The following GALNT15 variants were observed in gnomAD, a reference collection of about 807,000 sequenced individuals.
GALNT15 encodes UDP-GalNAc transferase T15.
A neutral mutation model predicts 66.8 loss-of-function variants in GALNT15; 67 were observed. The observed-to-expected ratio is 1.00, with a 90% CI of 0.82 to 1.23. GALNT15 has a LOEUF of 1.23. Among genes scored for constraint, GALNT15 ranks in the 50% most tolerant of loss-of-function variants. The pLI is 0.00. For missense variants in GALNT15, 827 were observed against 804.3 expected (o/e 1.03, Z -0.34); for synonymous variants, 313 against 311.5 (o/e 1.00, Z -0.05).
rs200995755 is a variant in GALNT15, at chr3:16,200,606, C to G, written c.707-13C>G. On this transcript the variant is annotated splice_polypyrimidine_tract_variant and intron_variant, in intron 2 of 9. Transcript: ENST00000339732. This position sits in a 1 kb window ranked among gnomAD's most constrained non-coding sequence, Gnocchi z 4.4. ...ATTTGTCATTCCACTGACCACAACC[C>G]TGTTGATTCCAGGACAACTCAAGTC... 9 of 1,511,128 alleles carry G rather than the reference C, an allele frequency of 6.0e-6. No individual in the cohort carries two copies. The highest frequency in any genetic ancestry group is 8.9e-7 in the Non-Finnish European group (1 of 1,127,640). 93.6% of individuals were successfully genotyped at this position (1,511,128 alleles called of 1,614,324 possible).
chr3:16,191,618 G>C lies in GALNT15; in HGVS notation c.540-4142G>C, dbSNP rs1024738898. On this transcript the variant is annotated intron_variant, in intron 1 of 9. Transcript: ENST00000339732. The surrounding 1 kb of genome is among the most constrained non-coding windows in gnomAD (Gnocchi z 5.2). ...TCTGTGAAATCAAAGAAAGGAACTT[G>C]AGTGCCCTGGTCACCATTTAACTAG... Among the ~76,000 whole-genome samples the C allele has an allele frequency of 1.3e-5, 2 of 152,200 alleles. No homozygotes were observed. Among genetic ancestry groups the C allele is most frequent in the Non-Finnish European group, 2.9e-5 (2 of 68,030 alleles).
the GALNT15 span, among the ~76,000 whole-genome samples, chr3:16,244,429 A>C: frequency 1.3e-3 from 198 of 152,356 alleles, no homozygotes; most frequent in African/African-American, 4.2e-3. Context: ...GGAGAGCTTT[A>C]AACAGGATTC....
At position 16,195,734 on chromosome 3, in the gene GALNT15, T is replaced by A. The variant is rs536093389; in HGVS notation, c.540-26T>A. ...GTTTCTTGTGGCCTTCTCTTCCCCA[T>A]GGCTCTCTGGCTCTCTTCCCTGCAG... On this transcript the variant is annotated intron_variant, in intron 1 of 9. Transcript: ENST00000339732. The surrounding 1 kb of genome is among the most constrained non-coding windows in gnomAD (Gnocchi z 4.6). 1.9e-6 allele frequency: 3 copies of A among 1,596,490 alleles called. No homozygotes were observed. In the Admixed American group the frequency reaches 5.1e-5, roughly 27 times the overall value.
chr3:16,200,937 T>A lies in GALNT15; in HGVS notation c.911+114T>A. ...TAATTCCTGAATCTCCATTAGAGAG[T>A]GATATATTCCCTTCGGGTTTTCAGA... On this transcript the variant is annotated intron_variant, in intron 3 of 9. Coordinates refer to ENST00000339732, the MANE Select transcript of GALNT15 (RefSeq NM_054110.5). The surrounding 1 kb of genome is among the most constrained non-coding windows in gnomAD (Gnocchi z 4.4). 1.3e-6 allele frequency: 1 copy of A among 752,114 alleles called. No individual in the cohort carries two copies. Among genetic ancestry groups the A allele is most frequent in the Non-Finnish European group, 2.0e-6 (1 of 488,672 alleles). 46.6% of individuals were successfully genotyped at this position (752,114 alleles called of 1,614,324 possible).
At chr3:16,222,822 T>C (rs2063960195) in intron 9 of GALNT15, 64 bp downstream of exon 9, 1 of 1,581,090 alleles carries the variant, frequency 6.3e-7, no homozygotes, top group Non-Finnish European at 8.7e-7. Context: ...CTGGTTGGCA[T>C]TGGATCCTGG....
At position 16,203,664 on chromosome 3, in the gene GALNT15, C is replaced by T. The variant is rs1657159902; in HGVS notation, c.911+2841C>T. 6.6e-6 allele frequency among the ~76,000 whole-genome samples: 1 copy of T among 151,842 alleles called. No homozygotes were observed. Among genetic ancestry groups the T allele is most frequent in the Non-Finnish European group, 1.5e-5 (1 of 67,986 alleles). ...CCATCTCTTCTGCGTGATGTGACCA[C>T]ATTTTCATCATCTCTACACCTCATT... is the stretch of plus-strand genomic sequence containing the variant. On this transcript the variant is annotated intron_variant, in intron 3 of 9. Transcript: ENST00000339732. This position sits in a 1 kb window ranked among gnomAD's most constrained non-coding sequence, Gnocchi z 6.2.
chr3:16,229,471 T>C lies in GALNT15; in HGVS notation c.*1971T>C. Reference sequence around the variant, plus strand: ...TTTCATCACAGTTCTGTTGGACCAATCTAGATAGATTCATTATCCCATCTA... The same window carrying C: ...TTTCATCACAGTTCTGTTGGACCAACCTAGATAGATTCATTATCCCATCTA... On this transcript the variant is annotated 3_prime_UTR_variant, in exon 10 of 10. Coordinates refer to ENST00000339732, the MANE Select transcript of GALNT15 (RefSeq NM_054110.5). 1 of 982,522 alleles carries C rather than the reference T, an allele frequency of 1.0e-6. No individual in the cohort carries two copies. The highest frequency in any genetic ancestry group is 1.2e-6 in the Non-Finnish European group (1 of 827,278). 60.9% of individuals were successfully genotyped at this position (982,522 alleles called of 1,614,324 possible). A position where few individuals can be genotyped will look rare whatever the true frequency, so the allele number is the denominator to read the frequency against.
chr3:16,175,280 T>G lies in GALNT15; in HGVS notation c.129T>G (p.Thr43=), dbSNP rs1206533392. 6.2e-7 allele frequency: 1 copy of G among 1,614,046 alleles called. No individual in the cohort carries two copies. The highest frequency in any genetic ancestry group is 1.3e-5 in the African/African-American group (1 of 74,914). ...CTCCCCACCACACCCTGCACCAGAC[T>G]GTCACAGCCCAAGCCAGCAAGCACA... ...LHPPHHTLHQ[T]VTAQASKHSP... The change falls in exon 1 of 10, where the codon ACT becomes ACG. Residue 43 remains threonine (T), a synonymous_variant. Coordinates refer to ENST00000339732, the MANE Select transcript of GALNT15 (RefSeq NM_054110.5). The surrounding 1 kb of genome is among the most constrained non-coding windows in gnomAD (Gnocchi z 5.6).
chr3:16,203,886 C>A lies in GALNT15; in HGVS notation c.911+3063C>A, dbSNP rs2063729882. Among the ~76,000 whole-genome samples, 1 of 152,072 alleles carries A rather than the reference C, an allele frequency of 6.6e-6. No homozygotes were observed. The highest frequency in any genetic ancestry group is 2.4e-5 in the African/African-American group (1 of 41,372). On this transcript the variant is annotated intron_variant, in intron 3 of 9. Coordinates refer to ENST00000339732, the MANE Select transcript of GALNT15 (RefSeq NM_054110.5). This position sits in a 1 kb window ranked among gnomAD's most constrained non-coding sequence, Gnocchi z 6.2. ...GTGCTTTACTCCCCCAGGGACGTCGCCCACGTGCCTCATACAAAGCCAAGC... is the reference window on the plus strand; with the variant it reads ...GTGCTTTACTCCCCCAGGGACGTCGACCACGTGCCTCATACAAAGCCAAGC...
At position 16,180,793 on chromosome 3, in the gene GALNT15, G is replaced by A. The variant is rs1482226794; in HGVS notation, c.539+5103G>A. Among the ~76,000 whole-genome samples the A allele has an allele frequency of 6.6e-6, 1 of 152,214 alleles. No individual in the cohort carries two copies. The highest frequency in any genetic ancestry group is 2.4e-5 in the African/African-American group (1 of 41,438). On this transcript the variant is annotated intron_variant, in intron 1 of 9. Transcript: ENST00000339732. This position sits in a 1 kb window ranked among gnomAD's most constrained non-coding sequence, Gnocchi z 5.0. ...TGTCAACTCAGCGGTAGCTGGCTGT[G>A]TGCTACCTGCTTTTAACTTGCCTTT... is the stretch of plus-strand genomic sequence containing the variant.
intron 6 of GALNT15, among the ~76,000 whole-genome samples, chr3:16,218,549 CA>C (rs58097508): frequency 0.061 from 9,209 of 151,924 alleles, 313 homozygotes; most frequent in African/African-American, 0.076. Context: ...AGGAGAATCT[CA>C]AAAAAAGGAG....
At position 16,227,500 on chromosome 3, in the gene GALNT15, A is replaced by G; in HGVS notation, c.1920A>G (p.Ter640TrpextTer39). The stretch of plus-strand genomic sequence containing the variant: ...AGATCAATGCTGTGGATGAACGATG[A>G]ATGTCAATGTCAGAAGGAAAAGAGA... ...FDQINAVDER[*>W] The change falls in exon 10 of 10, where the codon TGA (stop) becomes TGG (tryptophan). Residue 640 changes from the stop codon to tryptophan (W), a stop_lost. Transcript: ENST00000339732. This position sits in a 1 kb window ranked among gnomAD's most constrained non-coding sequence, Gnocchi z 4.5. 6.2e-7 allele frequency: 1 copy of G among 1,614,198 alleles called. No homozygotes were observed. The highest frequency in any genetic ancestry group is 8.5e-7 in the Non-Finnish European group (1 of 1,180,024).
Position 16,174,876 on chromosome 3 carries a change from C to T in GALNT15, c.-276C>T. ...CCGGGGTAAAGGGAGGGAAGCAATT[C>T]AATTTGAAGTCCCTGTGAATGGGCT... is the stretch of plus-strand genomic sequence containing the variant. On this transcript the variant is annotated 5_prime_UTR_variant, in exon 1 of 10. The change creates a premature stop within an existing upstream ORF in the 5' untranslated region. Coordinates refer to ENST00000339732, the MANE Select transcript of GALNT15 (RefSeq NM_054110.5). The surrounding 1 kb of genome is among the most constrained non-coding windows in gnomAD (Gnocchi z 4.7). 1 of 452,050 alleles carries T rather than the reference C, an allele frequency of 2.2e-6. No individual in the cohort carries two copies. Among genetic ancestry groups the T allele is most frequent in the East Asian group, 3.5e-5 (1 of 28,694 alleles). The allele number at this position is 452,050 out of a possible 1,614,324, so 28.0% of individuals were successfully genotyped here.
In GALNT15 at chr3:16,180,453, C is replaced by T. The variant is rs1381787142; in HGVS notation, c.539+4763C>T. Reference sequence around the variant, plus strand: ...TTGGCCCACAGAGCACATTTTTCAACAGTGAGGAGTTACACCACGACTTCC... The same window carrying T: ...TTGGCCCACAGAGCACATTTTTCAATAGTGAGGAGTTACACCACGACTTCC... On this transcript the variant is annotated intron_variant, in intron 1 of 9. Transcript: ENST00000339732. The surrounding 1 kb of genome is among the most constrained non-coding windows in gnomAD (Gnocchi z 5.0). Among the ~76,000 whole-genome samples the T allele has an allele frequency of 6.6e-6, 1 of 152,206 alleles. No homozygotes were observed. The highest frequency in any genetic ancestry group is 2.4e-5 in the African/African-American group (1 of 41,452).
Position 16,206,671 on chromosome 3 carries a change from T to TAAAA in GALNT15, c.912-1811_912-1808dup, listed in dbSNP as rs1170870767. Among the ~76,000 whole-genome samples the TAAAA allele has an allele frequency of 9.3e-3, 549 of 58,736 alleles. 1 individual carries two copies. Among genetic ancestry groups the TAAAA allele is most frequent in the Non-Finnish European group, 0.013 (385 of 29,120 alleles). The allele number at this position is 58,736 out of a possible 152,430, so 38.5% of individuals were successfully genotyped here. ...CTGGATAACAAAGCGAGACTCTGTC[T>TAAAA]AAAAAAAAAAAAAAAAAAAAAAAAG... On this transcript the variant is annotated intron_variant, in intron 3 of 9. Coordinates refer to ENST00000339732, the MANE Select transcript of GALNT15 (RefSeq NM_054110.5).
At chr3:16,244,515 T>C in the GALNT15 span, among the ~76,000 whole-genome samples, 1 of 152,210 alleles carries the variant, frequency 6.6e-6, no homozygotes, top group African/African-American at 2.4e-5. Context: ...GGCTGGAGGA[T>C]GGGCCAGGCA....
chr3:16,246,514 C>CGA, the GALNT15 span, among the ~76,000 whole-genome samples: 1 of 151,744 alleles, frequency 6.6e-6, no homozygotes, highest in Non-Finnish European at 1.5e-5. Context: ...TTAGTAGAGA[C>CGA]GGTTTCACCA....
Position 16,219,020 on chromosome 3 carries a change from T to C in GALNT15, c.1393-383T>C, listed in dbSNP as rs1024154869. 1.3e-5 allele frequency among the ~76,000 whole-genome samples: 2 copies of C among 152,088 alleles called. No individual in the cohort carries two copies. Among genetic ancestry groups the C allele is most frequent in the Non-Finnish European group, 2.9e-5 (2 of 68,016 alleles). On this transcript the variant is annotated intron_variant, in intron 6 of 9. Coordinates refer to ENST00000339732, the MANE Select transcript of GALNT15 (RefSeq NM_054110.5). The surrounding 1 kb of genome is among the most constrained non-coding windows in gnomAD (Gnocchi z 4.3). ...TAGTAGAGATGGGGTTTCACCATGT[T>C]GGCCAGGCTGGTCTTGAACTCCTGA... is the stretch of plus-strand genomic sequence containing the variant.
downstream of GALNT15, among the ~76,000 whole-genome samples, chr3:16,231,552 T>TATAA (rs1173272527): frequency 3.3e-5 from 5 of 152,172 alleles, no homozygotes; most frequent in Non-Finnish European, 7.4e-5. This position sits in a 1 kb window ranked among gnomAD's most constrained non-coding sequence, Gnocchi z 4.1. Flanking sequence ...ATAAACAGCT[T>TATAA]GCCTGATGGT....
Sources: gnomAD v4.1 joint callset for allele counts (sites outside exome capture counted in the v4.1 genomes callset) on GRCh38, gnomAD v4.1.1 for gene constraint, Gnocchi (gnomAD v3.1) non-coding constraint, MANE v1.5 for transcripts, NCBI Gene and HGNC (gene_info 2026-07-23, HGNC 2026-07-21) for gene names.